The following BLTP1 variants were observed in gnomAD, a reference collection of about 807,000 sequenced individuals.
BLTP1 encodes the protein bridge-like lipid transfer protein family member 1.
At chr4:122,229,485 T>C in the BLTP1 span, among the ~76,000 whole-genome samples, 5 of 152,206 alleles carry the variant, frequency 3.3e-5, no homozygotes, top group Non-Finnish European at 7.3e-5. Context: ...TATAAAATAG[T>C]AGGTTACTTT....
At chr4:122,175,005 T>C in the BLTP1 span, 2 of 927,624 alleles carry the variant, frequency 2.2e-6, no homozygotes, top group Non-Finnish European at 2.6e-6. Context: ...TAGCTCCTTA[T>C]TAGAGATAAT....
the BLTP1 span, chr4:122,234,276 A>G: frequency 2.8e-6 from 1 of 363,088 alleles, no homozygotes; most frequent in Non-Finnish European, 3.8e-6. Flanking sequence ...TCATTATTTT[A>G]ATTTTATTGA....
the BLTP1 span, chr4:122,187,617 G>T: frequency 9.0e-7 from 1 of 1,114,284 alleles, no homozygotes; most frequent in South Asian, 1.8e-5. Context: ...GTTTTGTGGA[G>T]TTTTTTTTAG....
chr4:122,295,912 C>G, the BLTP1 span, among the ~76,000 whole-genome samples: 1 of 152,146 alleles, frequency 6.6e-6, no homozygotes, highest in South Asian at 2.1e-4. Context: ...TCTCAATAAA[C>G]TAGGTATTGA....
At chr4:122,175,069 A>C in the BLTP1 span, 3 of 950,272 alleles carry the variant, frequency 3.2e-6, no homozygotes, top group East Asian at 1.2e-4. Context: ...TATTCAAAGA[A>C]GGAAACACAA....
the BLTP1 span, chr4:122,174,056 G>A: frequency 4.3e-6 from 1 of 231,928 alleles, no homozygotes; most frequent in African/African-American, 2.3e-5. Context: ...ATAGGAGGGT[G>A]TATTAGGAAG....
the BLTP1 span, chr4:122,198,482 A>G: frequency 1.0e-6 from 1 of 957,352 alleles, no homozygotes; most frequent in Non-Finnish European, 1.2e-6. Context: ...CCTTTTCACA[A>G]CTGATGATAC....
chr4:122,308,449 G>A, the BLTP1 span, among the ~76,000 whole-genome samples: 1 of 152,006 alleles, frequency 6.6e-6, no homozygotes, highest in South Asian at 2.1e-4. Flanking sequence ...CTTAGTTTCA[G>A]AATCATTTTA....
At chr4:122,255,237 A>G in the BLTP1 span, 34 of 1,612,108 alleles carry the variant, frequency 2.1e-5, no homozygotes, top group Non-Finnish European at 2.8e-5. Flanking sequence ...ATACTACACC[A>G]CTATCTGCAC....
At chr4:122,356,834 A>T in the BLTP1 span, 1 of 1,524,844 alleles carries the variant, frequency 6.6e-7, no homozygotes, top group Admixed American at 2.1e-5. Flanking sequence ...TTATGGTCTA[A>T]TGAGAAAATG....
At chr4:122,154,567 T>C in the BLTP1 span, 1 of 875,526 alleles carries the variant, frequency 1.1e-6, no homozygotes, top group African/African-American at 1.8e-5. Flanking sequence ...GTTTGTAAAG[T>C]GTTTTAAGAA....
the BLTP1 span, chr4:122,226,366 T>A: frequency 7.9e-6 from 8 of 1,006,526 alleles, no homozygotes; most frequent in Middle Eastern, 4.9e-4. Flanking sequence ...TTTTAGGTGC[T>A]TTTCTATGTG....
At chr4:122,159,118 A>G in the BLTP1 span, among the ~76,000 whole-genome samples, 6 of 152,060 alleles carry the variant, frequency 3.9e-5, no homozygotes, top group African/African-American at 9.7e-5. Flanking sequence ...CTTGATTGTT[A>G]TTTGTGGCAA....
chr4:122,247,231 A>G, the BLTP1 span: 10 of 1,613,458 alleles, frequency 6.2e-6, no homozygotes, highest in Admixed American at 1.7e-5. Context: ...TGTTCATGCC[A>G]CAAAGATGCA....
At chr4:122,347,801 T>G in the BLTP1 span, 1 of 1,565,310 alleles carries the variant, frequency 6.4e-7, no homozygotes. Flanking sequence ...CTTTTTGTTA[T>G]CAGTAGCCCT....
chr4:122,266,768 G>A, the BLTP1 span: 1 of 1,572,848 alleles, frequency 6.4e-7, no homozygotes, highest in Non-Finnish European at 8.6e-7. Flanking sequence ...TAATATGAAT[G>A]TTTATGTCTT....
the BLTP1 span, chr4:122,219,701 T>C: frequency 6.6e-6 from 4 of 606,078 alleles, no homozygotes; most frequent in South Asian, 2.4e-5. Flanking sequence ...TTTACTGTTA[T>C]AAAACTCATG....
chr4:122,240,389 G>C, the BLTP1 span: 5 of 1,540,720 alleles, frequency 3.2e-6, no homozygotes, highest in East Asian at 6.8e-5. Flanking sequence ...TTGATATCTT[G>C]ATTTAGAAAA....
At chr4:122,201,577 T>C in the BLTP1 span, among the ~76,000 whole-genome samples, 1 of 152,224 alleles carries the variant, frequency 6.6e-6, no homozygotes, top group Non-Finnish European at 1.5e-5. Flanking sequence ...ATTGAGTTGG[T>C]GCTGTCACTA....
Sources: allele counts gnomAD v4.1 joint callset (sites outside exome capture counted in the v4.1 genomes callset), GRCh38; gene constraint gnomAD v4.1.1; transcripts MANE v1.5; gene names NCBI Gene and HGNC (gene_info 2026-07-23, HGNC 2026-07-21).